The following DLGAP2 variants were observed in gnomAD, a reference collection of about 807,000 sequenced individuals.
DLGAP2 encodes the protein DLG associated protein 2.
DLGAP2 carries 26 observed loss-of-function variants against 100.3 expected under a neutral mutation model. The ratio of observed to expected loss-of-function variants is 0.26; its 90% confidence interval spans 0.19 to 0.36. The LOEUF is 0.36. Among genes scored for constraint, DLGAP2 ranks in the 10% least tolerant of loss-of-function variants. DLGAP2 has a pLI of 1.00. For missense variants in DLGAP2, 1,858 were observed against 1,453.2 expected, an observed-to-expected ratio of 1.28 and a Z score of -4.53; for synonymous variants, 886 against 630.1, an observed-to-expected ratio of 1.41 and a Z score of -6.08.
intron 1 of DLGAP2, among the ~76,000 whole-genome samples, chr8:742,254 A>C (rs970626348): frequency 2.6e-5 from 4 of 152,118 alleles, no homozygotes; most frequent in Non-Finnish European, 4.4e-5. Flanking sequence ...GGAAAAAAAG[A>C]GAAAAATTTA....
intron 3 of DLGAP2, chr8:1,302,714 G>A (rs968669136): frequency 6.6e-6 from 1 of 152,274 alleles, no homozygotes; most frequent in Non-Finnish European, 1.5e-5. Flanking sequence ...TATGACCCCA[G>A]TTACGGGTAA....
intron 3 of DLGAP2, chr8:1,380,294 G>T (rs570448401): frequency 3.3e-5 from 5 of 152,166 alleles, no homozygotes; most frequent in African/African-American, 9.7e-5. Flanking sequence ...TGGCACCGAC[G>T]GGAGCTCAGG....
intron 1 of DLGAP2, among the ~76,000 whole-genome samples, chr8:831,411 T>C (rs1320361452): frequency 2.0e-5 from 3 of 152,100 alleles, no homozygotes; most frequent in Non-Finnish European, 4.4e-5. Context: ...TTCCCTGCCC[T>C]GTGTCCAGGT....
chr8:967,801 C>G (rs1249544796), intron 2 of DLGAP2, among the ~76,000 whole-genome samples: 2 of 57,244 alleles, frequency 3.5e-5, no homozygotes, highest in Non-Finnish European at 6.4e-5. Context: ...ATATACACCT[C>G]TTTGTTGAAC....
chr8:1,559,171 G>C (rs1802075458), intron 5 of DLGAP2, among the ~76,000 whole-genome samples: 1 of 152,142 alleles, frequency 6.6e-6, no homozygotes, highest in Admixed American at 6.5e-5. Flanking sequence ...CCATCACTAG[G>C]TACAAGGAGG....
At chr8:1,302,640 A>T (rs1441193935) in intron 3 of DLGAP2, 2 of 152,312 alleles carry the variant, frequency 1.3e-5, no homozygotes, top group Non-Finnish European at 2.9e-5. Flanking sequence ...CATACCCGGG[A>T]CTGGACTCAG....
intron 2 of DLGAP2, among the ~76,000 whole-genome samples, chr8:1,065,007 T>C (rs1257990935): frequency 1.3e-5 from 2 of 152,142 alleles, no homozygotes; most frequent in Admixed American, 6.5e-5. Flanking sequence ...GCTGTGTGAG[T>C]CTGGAGATAC....
chr8:1,337,489 A>C (rs1350993724), intron 3 of DLGAP2, among the ~76,000 whole-genome samples: 1 of 145,970 alleles, frequency 6.9e-6, no homozygotes, highest in African/African-American at 2.5e-5. Flanking sequence ...GATGGGGATG[A>C]TAGTGGTGAT....
chr8:1,562,004 G>A (rs1802183972), intron 5 of DLGAP2, among the ~76,000 whole-genome samples: 1 of 54,478 alleles, frequency 1.8e-5, no homozygotes, highest in African/African-American at 7.0e-5. Flanking sequence ...TGGGGTGTCG[G>A]CGCCTCGTTA....
chr8:1,192,318 T>C (rs1249135750), intron 2 of DLGAP2, among the ~76,000 whole-genome samples: 2 of 152,226 alleles, frequency 1.3e-5, no homozygotes, highest in Non-Finnish European at 2.9e-5. Flanking sequence ...AGTATATATT[T>C]ATGGTGTAGA....
intron 6 of DLGAP2, among the ~76,000 whole-genome samples, chr8:1,587,274 C>T (rs1474070034): frequency 6.6e-6 from 1 of 152,158 alleles, no homozygotes; most frequent in Non-Finnish European, 1.5e-5. Flanking sequence ...TATAGATTTG[C>T]TTCTCAGGAA....
intron 5 of DLGAP2, among the ~76,000 whole-genome samples, chr8:1,563,611 T>C (rs1363260300): frequency 6.6e-6 from 1 of 151,992 alleles, no homozygotes; most frequent in Non-Finnish European, 1.5e-5. Context: ...ACGGGGTCCA[T>C]GGTAAGGGGA....
intron 2 of DLGAP2, among the ~76,000 whole-genome samples, chr8:1,206,251 C>A (rs1425098836): frequency 1.3e-5 from 2 of 151,948 alleles, no homozygotes; most frequent in African/African-American, 2.4e-5. Context: ...CACCACTGGG[C>A]ACTCCTGCAG....
At chr8:1,001,567 G>A (rs7015660) in intron 2 of DLGAP2, among the ~76,000 whole-genome samples, 108 of 152,240 alleles carry the variant, frequency 7.1e-4, no homozygotes, top group African/African-American at 2.3e-3. Flanking sequence ...CGAAAGTTAC[G>A]GAGAAATGAT....
intron 7 of DLGAP2, among the ~76,000 whole-genome samples, chr8:1,631,193 T>C (rs1797635860): frequency 6.6e-6 from 1 of 152,092 alleles, no homozygotes; most frequent in Non-Finnish European, 1.5e-5. Flanking sequence ...GAAAGGCTTG[T>C]AGCTGGAAGC....
At chr8:1,291,662 G>C (rs1469288250) in intron 3 of DLGAP2, among the ~76,000 whole-genome samples, 1 of 152,156 alleles carries the variant, frequency 6.6e-6, no homozygotes, top group African/African-American at 2.4e-5. Context: ...ATATCTTCCA[G>C]TTTAAAATCT....
At chr8:1,506,175 T>C (rs575621175) in intron 4 of DLGAP2, among the ~76,000 whole-genome samples, 4 of 152,182 alleles carry the variant, frequency 2.6e-5, no homozygotes, top group Admixed American at 2.0e-4. Context: ...CTCATTCTAA[T>C]GTTAATACAT....
intron 2 of DLGAP2, among the ~76,000 whole-genome samples, chr8:1,127,970 A>T (rs1455569618): frequency 6.6e-6 from 1 of 152,250 alleles, no homozygotes; most frequent in Non-Finnish European, 1.5e-5. Context: ...TCATTTTCCC[A>T]ATTTAAATGT....
At chr8:952,357 AG>A (rs1799501915) in intron 2 of DLGAP2, among the ~76,000 whole-genome samples, 1 of 152,240 alleles carries the variant, frequency 6.6e-6, no homozygotes, top group African/African-American at 2.4e-5. Context: ...ATTAAAATGG[AG>A]AACATTTCAA....
Sources: allele counts gnomAD v4.1 joint callset (sites outside exome capture counted in the v4.1 genomes callset), GRCh38; gene constraint gnomAD v4.1.1; transcripts MANE v1.5; gene names NCBI Gene and HGNC (gene_info 2026-07-23, HGNC 2026-07-21).